Variants in LRRC7 observed in about 807,000 individuals in gnomAD.
LRRC7 encodes leucine-rich repeat-containing protein 7.
In LRRC7, 23 loss-of-function variants were observed where a neutral mutation model predicts 175.7. The ratio of observed to expected loss-of-function variants is 0.13; its 90% confidence interval spans 0.09 to 0.19. The LOEUF is 0.19. Ranked by LOEUF, LRRC7 falls within the 10% of genes least tolerant of loss-of-function variation. The probability of loss-of-function intolerance (pLI) is 1.00; values close to 1 mark genes in which losing one functional copy is unlikely to be tolerated. For missense variants in LRRC7, 1,354 were observed against 1,904.7 expected (o/e 0.71, Z 5.38); for synonymous variants, 685 against 680.9 (o/e 1.01, Z -0.09).
chr1:70,084,704 G>A (rs1187546090), intron 24 of LRRC7, among the ~76,000 whole-genome samples: 1 of 152,140 alleles, frequency 6.6e-6, no homozygotes, highest in Non-Finnish European at 1.5e-5. Flanking sequence ...TGGTAATTAT[G>A]TTTAGCATTC....
intron 7 of LRRC7, among the ~76,000 whole-genome samples, chr1:69,887,901 C>A (rs1243879447): frequency 6.8e-6 from 1 of 146,544 alleles, no homozygotes; most frequent in Non-Finnish European, 1.5e-5. Flanking sequence ...TGTGCCCCTG[C>A]TGGGGGGTGC....
intron 2 of LRRC7, among the ~76,000 whole-genome samples, chr1:69,749,856 G>A (rs754476033): frequency 6.6e-5 from 10 of 151,906 alleles, no homozygotes; most frequent in African/African-American, 9.7e-5. Context: ...GAGGTCAGGA[G>A]ATCGAGACCA....
At chr1:70,017,029 A>G (rs536226410) in intron 14 of LRRC7, among the ~76,000 whole-genome samples, 1 of 152,204 alleles carries the variant, frequency 6.6e-6, no homozygotes, top group Admixed American at 6.5e-5. Flanking sequence ...TGTAATCCCA[A>G]CACTTTGGGA....
chr1:69,734,158 A>G (rs1667866445), intron 2 of LRRC7, among the ~76,000 whole-genome samples: 1 of 151,956 alleles, frequency 6.6e-6, no homozygotes, highest in African/African-American at 2.4e-5. Flanking sequence ...AAAGCAAAAC[A>G]CAGACATTAC....
At chr1:69,888,447 G>A (rs1164314529) in intron 7 of LRRC7, among the ~76,000 whole-genome samples, 1 of 152,286 alleles carries the variant, frequency 6.6e-6, no homozygotes, top group African/African-American at 2.4e-5. Context: ...CACTTCCCAA[G>A]TGAGGCAATG....
intron 11 of LRRC7, among the ~76,000 whole-genome samples, chr1:69,995,221 T>C (rs1274564072): frequency 6.6e-6 from 1 of 152,074 alleles, no homozygotes; most frequent in Non-Finnish European, 1.5e-5. Flanking sequence ...TCATTAACAT[T>C]TGGTTTACAA....
intron 2 of LRRC7, among the ~76,000 whole-genome samples, chr1:69,729,743 G>A (rs1371201935): frequency 6.6e-6 from 1 of 152,134 alleles, no homozygotes; most frequent in South Asian, 2.1e-4. Context: ...CTGTTCTGGG[G>A]TCTGGAGGAC....
intron 2 of LRRC7, among the ~76,000 whole-genome samples, chr1:69,695,445 T>C (rs923513921): frequency 1.3e-5 from 2 of 152,184 alleles, no homozygotes; most frequent in African/African-American, 4.8e-5. Context: ...TTTAGAAAAT[T>C]CACAGCCTGG....
chr1:69,611,953 C>A (rs1224349758), intron 1 of LRRC7, among the ~76,000 whole-genome samples: 1 of 152,066 alleles, frequency 6.6e-6, no homozygotes, highest in Non-Finnish European at 1.5e-5. Context: ...ACGGAAGTGT[C>A]ACAAGCATTG....
chr1:69,832,166 T>G (rs1680601834), intron 5 of LRRC7, among the ~76,000 whole-genome samples: 1 of 152,162 alleles, frequency 6.6e-6, no homozygotes, highest in Admixed American at 6.6e-5. Flanking sequence ...TATTTGGCCA[T>G]TGGACTTTAA....
intron 11 of LRRC7, among the ~76,000 whole-genome samples, chr1:70,008,476 A>C (rs1418277149): frequency 1.3e-5 from 2 of 152,176 alleles, no homozygotes; most frequent in African/African-American, 2.4e-5. Context: ...ATGATGCTTG[A>C]ATGTTTTAAA....
At chr1:69,841,700 G>A (rs545388025) in intron 7 of LRRC7, among the ~76,000 whole-genome samples, 1 of 152,172 alleles carries the variant, frequency 6.6e-6, no homozygotes, top group African/African-American at 2.4e-5. Context: ...GACAGTATGA[G>A]TGCCATTAAT....
intron 6 of LRRC7, among the ~76,000 whole-genome samples, chr1:69,837,837 T>G (rs1316313049): frequency 2.8e-5 from 4 of 144,860 alleles, no homozygotes; most frequent in Admixed American, 7.3e-5. Context: ...TATATATATT[T>G]CTTTAAAATC....
At chr1:69,859,375 A>G (rs1185964610) in intron 7 of LRRC7, among the ~76,000 whole-genome samples, 2 of 152,110 alleles carry the variant, frequency 1.3e-5, no homozygotes, top group Non-Finnish European at 2.9e-5. Context: ...TTTCTAGCAC[A>G]TTATTTTGGC....
intron 4 of LRRC7, among the ~76,000 whole-genome samples, chr1:69,809,408 T>C (rs1314342325): frequency 6.6e-6 from 1 of 152,090 alleles, no homozygotes; most frequent in Non-Finnish European, 1.5e-5. Flanking sequence ...GGGGGATTCC[T>C]CCCTAACTCA....
At chr1:69,713,146 A>G (rs1164262915) in intron 2 of LRRC7, among the ~76,000 whole-genome samples, 1 of 152,124 alleles carries the variant, frequency 6.6e-6, no homozygotes, top group African/African-American at 2.4e-5. Context: ...AAAAAATAAT[A>G]ATAACAAATA....
chr1:69,620,679 T>A (rs1247405951), intron 1 of LRRC7, among the ~76,000 whole-genome samples: 1 of 152,200 alleles, frequency 6.6e-6, no homozygotes, highest in Non-Finnish European at 1.5e-5. Flanking sequence ...ATACTTTTCA[T>A]GTGACTGTAA....
rs566277519 is a variant in LRRC7, at chr1:69,591,782, A to AT, written c.2+23147dup. ...GAATCAGATGAAGCAAGGAGTGGCC[A>AT]TTTTTTATTCTTATTAATGAGTCAT... is the stretch of plus-strand genomic sequence containing the variant. On this transcript the variant is annotated intron_variant, in intron 1 of 26. Transcript: ENST00000651989. Among the ~76,000 whole-genome samples, 43 of 152,054 alleles carry AT rather than the reference A, an allele frequency of 2.8e-4. 1 individual carries two copies. Among genetic ancestry groups the AT allele is most frequent in the East Asian group, 1.9e-3 (10 of 5,164 alleles).
chr1:69,995,234 C>T (rs1654820867), intron 11 of LRRC7, among the ~76,000 whole-genome samples: 1 of 151,970 alleles, frequency 6.6e-6, no homozygotes, highest in African/African-American at 2.4e-5. Context: ...GTTTACAATT[C>T]TTTAAGAACT....
Sources: allele counts gnomAD v4.1 joint callset (sites outside exome capture counted in the v4.1 genomes callset), GRCh38; gene constraint gnomAD v4.1.1; transcripts MANE v1.5; gene names NCBI Gene and HGNC (gene_info 2026-07-23, HGNC 2026-07-21).